TBC1D8: variants seen among roughly 807,000 people sequenced by gnomAD.
TBC1D8 encodes the protein TBC1 domain family member 8, also known as BUB2-like protein 1.
In TBC1D8, 65 loss-of-function variants were observed where a neutral mutation model predicts 118.8. The observed-to-expected ratio is 0.55, with a 90% CI of 0.45 to 0.67. The LOEUF is 0.67. Among genes scored for constraint, TBC1D8 ranks in the 30% least tolerant of loss-of-function variants. TBC1D8 has a pLI of 0.00. For missense variants in TBC1D8, 1,376 were observed against 1,471.2 expected, an observed-to-expected ratio of 0.94 and a Z score of 1.06; for synonymous variants, 566 against 595.8, an observed-to-expected ratio of 0.95 and a Z score of 0.73.
chr2:101,033,481 T>C (rs747685329), intron 10 of TBC1D8, 63 bp downstream of exon 10: 3 of 1,595,078 alleles, frequency 1.9e-6, no homozygotes, highest in Middle Eastern at 1.7e-4. Flanking sequence ...AATGAAACCC[T>C]GGGAAGGACA....
intron 5 of TBC1D8, among the ~76,000 whole-genome samples, chr2:101,049,758 C>T (rs112717699): frequency 0.022 from 3,385 of 151,860 alleles, 138 homozygotes; most frequent in African/African-American, 0.077. Flanking sequence ...AAAGAAAAGA[C>T]AAAATGTCTT....
At chr2:101,118,472 G>A (rs1030671944) in intron 1 of TBC1D8, among the ~76,000 whole-genome samples, 19 of 143,406 alleles carry the variant, frequency 1.3e-4, no homozygotes, top group East Asian at 2.2e-4. Flanking sequence ...CAAGGCGGGT[G>A]GATCACAAGG....
Position 101,130,126 on chromosome 2 carries a change from G to A in TBC1D8, c.127+21001C>T, listed in dbSNP as rs188274252. On this transcript the variant is annotated intron_variant, in intron 1 of 19. Transcript: ENST00000409318. ...GAGTCGCAACAATGAGTCGAGGGCCGGTCCTGCCATTGGGGTACTTGAACC... is the reference window on the plus strand; with the variant it reads ...GAGTCGCAACAATGAGTCGAGGGCCAGTCCTGCCATTGGGGTACTTGAACC... 1.2e-3 allele frequency among the ~76,000 whole-genome samples: 184 copies of A among 152,222 alleles called. 2 individuals carry two copies. Among genetic ancestry groups the A allele is most frequent in the African/African-American group, 4.1e-3 (171 of 41,524 alleles).
chr2:101,024,603 C>T (rs1256982366), intron 15 of TBC1D8, among the ~76,000 whole-genome samples: 2 of 152,050 alleles, frequency 1.3e-5, no homozygotes, highest in African/African-American at 4.8e-5. Context: ...GACGGGATTT[C>T]ACCATGTTGG....
rs189855820 is a variant in TBC1D8 at position 101,099,532 on chromosome 2, C to A, written c.128-9168G>T. ...TTACGAAGCCAGCATCATCCTGATA[C>A]CAAAACCAGGAAGAGACACAACAAA... On this transcript the variant is annotated intron_variant, in intron 1 of 19. Transcript: ENST00000409318. 1.4e-4 allele frequency among the ~76,000 whole-genome samples: 22 copies of A among 152,280 alleles called. No homozygotes were observed. The East Asian group carries it at 4.1e-3, about 28-fold the overall frequency.
intron 1 of TBC1D8, among the ~76,000 whole-genome samples, chr2:101,112,322 C>T (rs1030745396): frequency 1.3e-5 from 2 of 152,176 alleles, no homozygotes; most frequent in African/African-American, 2.4e-5. Flanking sequence ...AACTCCCCAG[C>T]GAATCTATCC....
At chr2:101,080,336 T>C (rs1328468812) in intron 2 of TBC1D8, among the ~76,000 whole-genome samples, 1 of 152,056 alleles carries the variant, frequency 6.6e-6, no homozygotes, top group East Asian at 1.9e-4. Flanking sequence ...AGACTTTCCT[T>C]GAAGCACCCA....
intron 1 of TBC1D8, among the ~76,000 whole-genome samples, chr2:101,116,288 C>G (rs1489322018): frequency 6.6e-6 from 1 of 152,162 alleles, no homozygotes; most frequent in Non-Finnish European, 1.5e-5. Flanking sequence ...CACAAAAGAA[C>G]CTATGTTTGG....
At chr2:101,082,704 C>T (rs72822903) in intron 2 of TBC1D8, among the ~76,000 whole-genome samples, 69 of 152,286 alleles carry the variant, frequency 4.5e-4, no homozygotes, top group Admixed American at 1.2e-3. Flanking sequence ...CCCACTAACA[C>T]GAGGTGCCCG....
At chr2:101,067,826 A>G (rs1444506746) in intron 2 of TBC1D8, among the ~76,000 whole-genome samples, 1 of 152,236 alleles carries the variant, frequency 6.6e-6, no homozygotes, top group Non-Finnish European at 1.5e-5. Context: ...CATTTTGCCC[A>G]CAGTAAAACT....
At chr2:101,072,606 A>C (rs1297263928) in intron 2 of TBC1D8, among the ~76,000 whole-genome samples, 3 of 152,178 alleles carry the variant, frequency 2.0e-5, no homozygotes, top group East Asian at 1.9e-4. Context: ...GATCATCATC[A>C]GGCATTGGTT....
intron 2 of TBC1D8, among the ~76,000 whole-genome samples, chr2:101,072,702 A>G (rs959694197): frequency 3.3e-5 from 5 of 152,148 alleles, no homozygotes; most frequent in Middle Eastern, 3.2e-3. Context: ...GTCTAATGCC[A>G]CCACTGATCT....
At chr2:101,026,697 GTCCA>G (rs1680360686) in intron 15 of TBC1D8, among the ~76,000 whole-genome samples, 1 of 152,148 alleles carries the variant, frequency 6.6e-6, no homozygotes, top group Admixed American at 6.5e-5. Flanking sequence ...GGTAGCAGGA[GTCCA>G]CAACGTGCCT....
chr2:101,018,195 A>C, intron 17 of TBC1D8: 3 of 346,670 alleles, frequency 8.7e-6, no homozygotes, highest in Non-Finnish European at 1.6e-5. Context: ...TTAGAATTCA[A>C]ATTATAACAC....
At chr2:101,137,438 G>C (rs572999887) in intron 1 of TBC1D8, among the ~76,000 whole-genome samples, 3 of 151,846 alleles carry the variant, frequency 2.0e-5, no homozygotes, top group South Asian at 2.1e-4. Flanking sequence ...TCAGCCTCTC[G>C]AGTAGCTGGG....
intron 5 of TBC1D8, among the ~76,000 whole-genome samples, chr2:101,049,740 A>G (rs56378745): frequency 0.11 from 17,185 of 152,124 alleles, 1,200 homozygotes; most frequent in Non-Finnish European, 0.16. Flanking sequence ...AAAAAAATAA[A>G]AAAAGAAAAA....
At chr2:101,074,442 A>C (rs1250373161) in intron 2 of TBC1D8, among the ~76,000 whole-genome samples, 1 of 152,248 alleles carries the variant, frequency 6.6e-6, no homozygotes, top group Non-Finnish European at 1.5e-5. Flanking sequence ...AACACATTCC[A>C]ACGCTGTTGG....
chr2:101,021,590 T>G, intron 17 of TBC1D8, 91 bp downstream of exon 17: 1 of 940,266 alleles, frequency 1.1e-6, no homozygotes, highest in East Asian at 2.6e-5. Flanking sequence ...ATAAGTGAAC[T>G]TTAAAAAGAG....
At chr2:101,040,093 C>G in intron 6 of TBC1D8, 85 bp downstream of exon 6, 1 of 1,484,994 alleles carries the variant, frequency 6.7e-7, no homozygotes, top group Admixed American at 1.8e-5. Context: ...TGAACTTCCC[C>G]TCCCACACTC....
Sources: allele counts gnomAD v4.1 joint callset (sites outside exome capture counted in the v4.1 genomes callset), GRCh38; gene constraint gnomAD v4.1.1; transcripts MANE v1.5; gene names NCBI Gene and HGNC (gene_info 2026-07-23, HGNC 2026-07-21).